The following STK32B variants were observed in gnomAD, a reference collection of about 807,000 sequenced individuals.
The protein encoded by STK32B is serine/threonine-protein kinase 32B.
Under a neutral mutation model 52.6 loss-of-function variants are expected in STK32B, and 43 were observed. The ratio of observed to expected loss-of-function variants is 0.82; its 90% CI spans 0.64 to 1.05. The LOEUF is 1.05. Among genes scored for constraint, STK32B ranks in the 50% least tolerant of loss-of-function variants. The pLI, the probability that STK32B is intolerant of heterozygous loss-of-function variation, is 0.00. For missense variants in STK32B, 621 were observed against 534.6 expected, an observed-to-expected ratio of 1.16 and a Z score of -1.59; for synonymous variants, 238 against 204.3, an observed-to-expected ratio of 1.17 and a Z score of -1.41.
chr4:5,429,517 T>C (rs1185023060), intron 6 of STK32B, among the ~76,000 whole-genome samples: 1 of 150,554 alleles, frequency 6.6e-6, no homozygotes, highest in Non-Finnish European at 1.5e-5. Flanking sequence ...TGTAATCTTA[T>C]AATATACCCA....
At position 5,090,370 on chromosome 4, in the gene STK32B, C is replaced by CTTTTT. The variant is rs754643704; in HGVS notation, c.52+38473_52+38477dup. On this transcript the variant is annotated intron_variant, in intron 1 of 11. Coordinates refer to ENST00000282908, the MANE Select transcript of STK32B (RefSeq NM_018401.3). ...TTTTACATTTAAGTCTTTAATCCAT[C>CTTTTT]TTTTTTTTTTTTTTTTTTTTTTCGA... Among the ~76,000 whole-genome samples the CTTTTT allele has an allele frequency of 4.2e-3, 238 of 56,530 alleles. 10 individuals carry two copies. Among genetic ancestry groups the CTTTTT allele is most frequent in the South Asian group, 9.4e-3 (10 of 1,060 alleles). 37.1% of individuals were successfully genotyped at this position (56,530 alleles called of 152,430 possible).
chr4:5,309,288 A>C (rs1297784471), intron 3 of STK32B, among the ~76,000 whole-genome samples: 1 of 152,190 alleles, frequency 6.6e-6, no homozygotes, highest in Non-Finnish European at 1.5e-5. Flanking sequence ...GATTAGAAGA[A>C]GTAATATTGT....
At chr4:5,444,002 A>C (rs954639009) in intron 6 of STK32B, among the ~76,000 whole-genome samples, 2 of 152,184 alleles carry the variant, frequency 1.3e-5, no homozygotes, top group African/African-American at 2.4e-5. Flanking sequence ...TGCTCTCTTC[A>C]AAGCTGTCAG....
chr4:5,174,475 G>T (rs368100221), intron 3 of STK32B, among the ~76,000 whole-genome samples: 3 of 152,226 alleles, frequency 2.0e-5, no homozygotes, highest in South Asian at 4.2e-4. Flanking sequence ...CTTCCTTCAG[G>T]AGCTCTTTTA....
In STK32B at chr4:5,380,346, A is replaced by G. The variant is rs954060542; in HGVS notation, c.435-17861A>G. 7.2e-5 allele frequency among the ~76,000 whole-genome samples: 11 copies of G among 152,244 alleles called. No homozygotes were observed. Among genetic ancestry groups the G allele is most frequent in the Admixed American group, 7.2e-4 (11 of 15,292 alleles). ...TCCCGAATCTCTCCAACGCTACCCA[A>G]GAGAATGCAAAAGGCCAGGCTTCTG... On this transcript the variant is annotated intron_variant, in intron 4 of 11. Coordinates refer to ENST00000282908, the MANE Select transcript of STK32B (RefSeq NM_018401.3). This position sits in a 1 kb window ranked among gnomAD's most constrained non-coding sequence, Gnocchi z 4.3.
At chr4:5,401,058 A>G (rs2109049521) in intron 5 of STK32B, among the ~76,000 whole-genome samples, 1 of 152,304 alleles carries the variant, frequency 6.6e-6, no homozygotes, top group South Asian at 2.1e-4. Context: ...GACAGGTGGT[A>G]GAGACAGTGG....
intron 4 of STK32B, among the ~76,000 whole-genome samples, chr4:5,341,230 C>A (rs1191246100): frequency 6.6e-6 from 1 of 152,190 alleles, no homozygotes; most frequent in Non-Finnish European, 1.5e-5. Flanking sequence ...TTTCTGGGAG[C>A]TAAGCCTCTA....
intron 3 of STK32B, among the ~76,000 whole-genome samples, chr4:5,232,802 C>T (rs1425326054): frequency 6.6e-6 from 1 of 152,194 alleles, no homozygotes; most frequent in African/African-American, 2.4e-5. Flanking sequence ...TCCTTCCTGC[C>T]CTGTGCCCCA....
chr4:5,207,580 T>A (rs1218014863), intron 3 of STK32B, among the ~76,000 whole-genome samples: 1 of 151,980 alleles, frequency 6.6e-6, no homozygotes, highest in Non-Finnish European at 1.5e-5. Context: ...AGTATGAAAA[T>A]GGACTAATAC....
intron 4 of STK32B, among the ~76,000 whole-genome samples, chr4:5,345,887 A>G (rs1733424246): frequency 6.6e-6 from 1 of 152,250 alleles, no homozygotes; most frequent in South Asian, 2.1e-4. Flanking sequence ...ATGTATTTTT[A>G]GTGACACTAT....
Position 5,427,152 on chromosome 4 carries a change from A to T in STK32B, c.562+10218A>T, listed in dbSNP as rs147141969. On this transcript the variant is annotated intron_variant, in intron 6 of 11. Transcript: ENST00000282908. Reference sequence around the variant, plus strand: ...ACATAGCATTTCTAAATCTGTCGAGATAATCCTGTGGTTTCTCTTCTATAG... The same window carrying T: ...ACATAGCATTTCTAAATCTGTCGAGTTAATCCTGTGGTTTCTCTTCTATAG... Among the ~76,000 whole-genome samples, 38 of 152,322 alleles carry T rather than the reference A, an allele frequency of 2.5e-4. 1 individual carries two copies. Among genetic ancestry groups the T allele is most frequent in the Admixed American group, 8.5e-4 (13 of 15,310 alleles).
chr4:5,358,978 C>T (rs1450743563), intron 4 of STK32B, among the ~76,000 whole-genome samples: 1 of 152,050 alleles, frequency 6.6e-6, no homozygotes, highest in Non-Finnish European at 1.5e-5. Flanking sequence ...TGGTGGAGAA[C>T]ATTTTTTCAG....
At chr4:5,050,045 T>G (rs1171822074), upstream of STK32B, among the ~76,000 whole-genome samples, 1 of 152,068 alleles carries the variant, frequency 6.6e-6, no homozygotes, top group East Asian at 1.9e-4. Flanking sequence ...GAAACCTGGG[T>G]AGAATGAGCC....
intron 11 of STK32B, among the ~76,000 whole-genome samples, chr4:5,477,378 C>T (rs1480360497): frequency 6.6e-6 from 1 of 152,028 alleles, no homozygotes; most frequent in Non-Finnish European, 1.5e-5. Flanking sequence ...GAATTGTGTC[C>T]TCTCAAATGG....
upstream of STK32B, among the ~76,000 whole-genome samples, chr4:5,049,459 C>G (rs1315295816): frequency 6.6e-6 from 1 of 151,904 alleles, no homozygotes; most frequent in African/African-American, 2.4e-5. Context: ...AGAGAGTCAG[C>G]GAAGAGAGAT....
the STK32B span, among the ~76,000 whole-genome samples, chr4:5,030,442 T>C: frequency 6.6e-6 from 1 of 152,206 alleles, no homozygotes; most frequent in East Asian, 1.9e-4. Context: ...GTGAAGTTGA[T>C]GAAACTTTTC....
chr4:5,254,476 A>G (rs1000140051), intron 3 of STK32B, among the ~76,000 whole-genome samples: 1 of 152,076 alleles, frequency 6.6e-6, no homozygotes, highest in Non-Finnish European at 1.5e-5. Context: ...ACATACATAC[A>G]TTGTTGATTT....
intron 3 of STK32B, among the ~76,000 whole-genome samples, chr4:5,192,313 C>T (rs902350310): frequency 2.0e-5 from 3 of 152,206 alleles, no homozygotes; most frequent in Admixed American, 6.5e-5. Flanking sequence ...TTGTGCAACA[C>T]AGCAGCCTGG....
intron 3 of STK32B, among the ~76,000 whole-genome samples, chr4:5,316,301 A>AATATATATATTGTATATTATATATT (rs1730724308): frequency 1.7e-5 from 1 of 57,548 alleles, no homozygotes; most frequent in Non-Finnish European, 2.5e-5. Flanking sequence ...TATTATATAT[A>AATATATATATTGTATATTATATATT]ATATATATAT....
Sources: gnomAD v4.1 joint callset for allele counts (sites outside exome capture counted in the v4.1 genomes callset) on GRCh38, gnomAD v4.1.1 for gene constraint, Gnocchi (gnomAD v3.1) non-coding constraint, MANE v1.5 for transcripts, NCBI Gene and HGNC (gene_info 2026-07-23, HGNC 2026-07-21) for gene names.